Variants in SBNO2 observed in about 807,000 individuals in gnomAD.
The protein encoded by SBNO2 is strawberry notch homolog 2.
Under a neutral mutation model 146.3 loss-of-function variants are expected in SBNO2, and 89 were observed. The observed-to-expected ratio is 0.61, with a 90% confidence interval of 0.51 to 0.73. SBNO2 has a LOEUF of 0.73. SBNO2 is among the 30% of genes least tolerant of loss of function. The pLI is 0.00. For missense variants in SBNO2, 2,092 were observed against 2,003.7 expected (o/e 1.04, Z -0.84); for synonymous variants, 1,147 against 892.6 (o/e 1.29, Z -5.08).
Position 1,108,672 on chromosome 19 carries a change from C to G in SBNO2, c.3649G>C (p.Val1217Leu), listed in dbSNP as rs1466261939. 2.6e-6 allele frequency: 4 copies of G among 1,530,590 alleles called. No individual in the cohort carries two copies. Among genetic ancestry groups the G allele is most frequent in the Non-Finnish European group, 3.5e-6 (4 of 1,146,734 alleles). The allele number at this position is 1,530,590 out of a possible 1,614,324, so 94.8% of individuals were successfully genotyped here. A position where few individuals can be genotyped will look rare whatever the true frequency, so the allele number is the denominator to read the frequency against. Reference protein sequence around the residue: ...IKIPEGCVRRVLQELRLMDAD... With the variant: ...IKIPEGCVRRLLQELRLMDAD... ...TCCATCAGCCGCAGCTCCTGCAGCA[C>G]CCGGCGCACGCAGCCCTCGGGGATC... Residue 1217 changes from valine (V) to leucine (L), a missense_variant, in exon 32 of 32, where the codon GTG becomes CTG. Physicochemically the swap from Val to Leu is conservative, Grantham distance 32 (BLOSUM62 1). Coordinates refer to ENST00000361757, the MANE Select transcript of SBNO2 (RefSeq NM_014963.3).
Position 1,109,417 on chromosome 19 carries a change from C to G in SBNO2, c.3223G>C (p.Gly1075Arg), listed in dbSNP as rs1380965358. ...DGFYLSYKVR[G>R]NKPSCLLAEQ... ...GCCAGCAGGCAGCTGGGCTTGTTAC[C>G]GCGGACCTGCGGAGGGGGGCGTTGA... The change falls in exon 29 of 32, where the codon GGT becomes CGT. Residue 1075 changes from glycine to arginine, a missense_variant. Physicochemically the swap from Gly to Arg is moderately radical, Grantham distance 125. Coordinates refer to ENST00000361757, the MANE Select transcript of SBNO2 (RefSeq NM_014963.3). The surrounding 1 kb of genome is among the most constrained non-coding windows in gnomAD (Gnocchi z 4.2). 3 of 1,564,252 alleles carry G rather than the reference C, an allele frequency of 1.9e-6. No individual in the cohort carries two copies. The highest frequency in any genetic ancestry group is 2.3e-5 in the South Asian group (2 of 85,600).
chr19:1,108,541 G>A lies in SBNO2; in HGVS notation c.3780C>T (p.Thr1260=). 4.9e-6 allele frequency: 6 copies of A among 1,224,986 alleles called. No homozygotes were observed. The highest frequency in any genetic ancestry group is 6.1e-6 in the Non-Finnish European group (6 of 981,348). 75.9% of individuals were successfully genotyped at this position (1,224,986 alleles called of 1,614,324 possible). A position where few individuals can be genotyped will look rare whatever the true frequency, so the allele number is the denominator to read the frequency against. ...GGAAGGCCTCGGCCGGGGGGCTGTA[G>A]GTGAGGTCCAGCACCTCTCCGGGGC... The part of the protein sequence containing the change: ...PCGPGEVLDL[T]YSPPAEAFPP... The change falls in exon 32 of 32, where the codon ACC becomes ACT. Residue 1260 remains threonine, a synonymous_variant. Transcript: ENST00000361757.
chr19:1,154,747 G>A (rs990777996), intron 1 of SBNO2, among the ~76,000 whole-genome samples: 1 of 152,204 alleles, frequency 6.6e-6, no homozygotes, highest in Non-Finnish European at 1.5e-5. Context: ...CCCCACATCT[G>A]GCTTTGTCAG....
chr19:1,168,252 G>C (rs1290747545), intron 1 of SBNO2, among the ~76,000 whole-genome samples: 2 of 151,988 alleles, frequency 1.3e-5, no homozygotes, highest in Non-Finnish European at 2.9e-5. Context: ...ATCCACCTGG[G>C]GGCTCGCAGC....
chr19:1,170,458 G>A (rs569054577), intron 1 of SBNO2, among the ~76,000 whole-genome samples: 4 of 152,140 alleles, frequency 2.6e-5, no homozygotes, highest in Middle Eastern at 3.2e-3. Flanking sequence ...GGCGGACAGC[G>A]GGCAGGCCAG....
chr19:1,122,247 G>A lies in SBNO2; in HGVS notation c.1041C>T (p.Val347=), dbSNP rs2079909664. The A allele has an allele frequency of 1.9e-6, 3 of 1,581,912 alleles. No individual in the cohort carries two copies. Among genetic ancestry groups the A allele is most frequent in the Non-Finnish European group, 2.6e-6 (3 of 1,164,324 alleles). ...TCAGGGCGGAGTAGGTGGCGAAGAGGACGCCCTCTGAGGTAGTGGTGTCAC... is the reference window on the plus strand; with the variant it reads ...TCAGGGCGGAGTAGGTGGCGAAGAGAACGCCCTCTGAGGTAGTGGTGTCAC... ...KYGDTTTSEG[V]LFATYSALIG... Residue 347 remains valine, a synonymous_variant, in exon 11 of 32, where the codon GTC becomes GTT. Transcript: ENST00000361757.
intron 4 of SBNO2, among the ~76,000 whole-genome samples, chr19:1,130,529 C>T (rs947695897): frequency 4.6e-5 from 7 of 151,090 alleles, no homozygotes; most frequent in Non-Finnish European, 1.0e-4. Flanking sequence ...CGTAGTGGCT[C>T]ATGCCTGTAA....
chr19:1,108,359 C>A lies in SBNO2; in HGVS notation c.3962G>T (p.Arg1321Leu). 1.5e-6 allele frequency: 2 copies of A among 1,294,852 alleles called. No individual in the cohort carries two copies. Among genetic ancestry groups the A allele is most frequent in the Non-Finnish European group, 2.0e-6 (2 of 1,016,160 alleles). The allele number at this position is 1,294,852 out of a possible 1,614,324, so 80.2% of individuals were successfully genotyped here. ...GGAGGGCGGCCCCGCGTGCAGCGAG[C>A]GCAGCATGTCCTCCAGCACCTCCTT... Reference protein sequence around the residue: ...NFKEVLEDMLRSLHAGPPSEG... With the variant: ...NFKEVLEDMLLSLHAGPPSEG... The change falls in exon 32 of 32, where the codon CGC (arginine) becomes CTC (leucine). Residue 1321 changes from arginine (R) to leucine (L), a missense_variant. By Grantham distance (102) the Arg-to-Leu change is moderately radical. Transcript: ENST00000361757.
intron 2 of SBNO2, among the ~76,000 whole-genome samples, chr19:1,152,311 C>T (rs12976934): frequency 0.3 from 45,190 of 152,060 alleles, 7,936 homozygotes; most frequent in African/African-American, 0.49. Context: ...ATTTCCCCAC[C>T]GTAGAGCCTC....
At chr19:1,113,215 G>C (rs1020052933) in intron 19 of SBNO2, among the ~76,000 whole-genome samples, 2 of 152,166 alleles carry the variant, frequency 1.3e-5, no homozygotes, top group African/African-American at 2.4e-5. Flanking sequence ...CGCAGAACCA[G>C]GCCCAGGGGC....
At chr19:1,130,062 A>G (rs1255707281) in intron 4 of SBNO2, among the ~76,000 whole-genome samples, 2 of 152,174 alleles carry the variant, frequency 1.3e-5, no homozygotes, top group African/African-American at 4.8e-5. Context: ...CGCCCAACGC[A>G]TCTGAAACAC....
intron 1 of SBNO2, among the ~76,000 whole-genome samples, chr19:1,163,991 G>T (rs1209709000): frequency 6.6e-6 from 1 of 152,234 alleles, no homozygotes; most frequent in Non-Finnish European, 1.5e-5. Flanking sequence ...TGAGGACGGG[G>T]TCGGAACCCA....
intron 1 of SBNO2, among the ~76,000 whole-genome samples, chr19:1,170,830 C>T (rs906047437): frequency 4.6e-5 from 7 of 151,948 alleles, no homozygotes; most frequent in Non-Finnish European, 8.8e-5. Flanking sequence ...TGCATGAGCA[C>T]GGGTGCAAAG....
intron 5 of SBNO2, among the ~76,000 whole-genome samples, chr19:1,124,769 C>T (rs1013310412): frequency 7.9e-5 from 12 of 152,176 alleles, no homozygotes; most frequent in Non-Finnish European, 1.5e-4. Context: ...ACACTGTCCT[C>T]GGGGAGCTGA....
intron 1 of SBNO2, among the ~76,000 whole-genome samples, chr19:1,172,184 C>G (rs567094234): frequency 6.6e-6 from 1 of 152,192 alleles, no homozygotes; most frequent in African/African-American, 2.4e-5. Flanking sequence ...GGCTGGCAGG[C>G]GCCTTCCAAG....
chr19:1,164,534 A>G (rs1302308693), intron 1 of SBNO2, among the ~76,000 whole-genome samples: 1 of 118,536 alleles, frequency 8.4e-6, no homozygotes, highest in Non-Finnish European at 1.7e-5. Context: ...CAGGAGGAGG[A>G]GGAGGAGGAG....
chr19:1,164,704 G>A (rs2080390702), intron 1 of SBNO2, among the ~76,000 whole-genome samples: 1 of 117,504 alleles, frequency 8.5e-6, no homozygotes, highest in African/African-American at 3.2e-5. Context: ...AAGAACAGGA[G>A]GAGGAGGAGG....
rs1366533555 is a variant in SBNO2 at position 1,122,123 on chromosome 19, G to A, written c.1149+16C>T. On this transcript the variant is annotated intron_variant, in intron 11 of 31. Transcript: ENST00000361757. ...CTAATCCAGCCCTCCCCTCCCGATT[G>A]CCCCCAGCAGGATACGACGCCCTCG... is the stretch of plus-strand genomic sequence containing the variant. 8.1e-7 allele frequency: 1 copy of A among 1,241,794 alleles called. No individual in the cohort carries two copies. Among genetic ancestry groups the A allele is most frequent in the Non-Finnish European group, 1.0e-6 (1 of 981,672 alleles). The allele number at this position is 1,241,794 out of a possible 1,614,324, so 76.9% of individuals were successfully genotyped here.
At chr19:1,139,010 G>A (rs976288627) in intron 4 of SBNO2, among the ~76,000 whole-genome samples, 1 of 152,172 alleles carries the variant, frequency 6.6e-6, no homozygotes, top group Non-Finnish European at 1.5e-5. Context: ...GACAGACACT[G>A]TGGTACCTGG....
Sources: gnomAD v4.1 joint callset for allele counts (sites outside exome capture counted in the v4.1 genomes callset) on GRCh38, gnomAD v4.1.1 for gene constraint, Gnocchi (gnomAD v3.1) non-coding constraint, MANE v1.5 for transcripts, NCBI Gene and HGNC (gene_info 2026-07-23, HGNC 2026-07-21) for gene names.